CPE: variants seen among roughly 807,000 people sequenced by gnomAD.
CPE encodes carboxypeptidase E.
CPE carries 17 observed loss-of-function variants against 53.5 expected under a neutral mutation model. The observed-to-expected ratio is 0.32, with a 90% confidence interval of 0.22 to 0.48. CPE has a LOEUF of 0.48. Ranked by LOEUF, CPE falls within the 20% of genes least tolerant of loss-of-function variation. The pLI, the probability that CPE is intolerant of heterozygous loss-of-function variation, is 0.99. For missense variants in CPE, 524 were observed against 614.7 expected (o/e 0.85, Z 1.56); for synonymous variants, 226 against 228.8 (o/e 0.99, Z 0.11).
At chr4:165,412,586 TAA>T (rs1731059322) in intron 1 of CPE, among the ~76,000 whole-genome samples, 1 of 151,968 alleles carries the variant, frequency 6.6e-6, no homozygotes, top group African/African-American at 2.4e-5. Flanking sequence ...AACTGGGGAG[TAA>T]GGTTTGAAAT....
chr4:165,395,933 A>C (rs1730760165), intron 1 of CPE, among the ~76,000 whole-genome samples: 1 of 152,214 alleles, frequency 6.6e-6, no homozygotes, highest in African/African-American at 2.4e-5. Context: ...TCTCTTAAGT[A>C]AACAAAAACT....
chr4:165,467,316 C>T (rs1732121505), intron 2 of CPE, among the ~76,000 whole-genome samples: 1 of 152,216 alleles, frequency 6.6e-6, no homozygotes, highest in Non-Finnish European at 1.5e-5. Context: ...GAGTGAGACC[C>T]TGTCTCTTAG....
intron 3 of CPE, among the ~76,000 whole-genome samples, chr4:165,475,526 G>T (rs58007408): frequency 0.14 from 21,271 of 152,224 alleles, 1,932 homozygotes; most frequent in East Asian, 0.24. Flanking sequence ...AAGTTACATG[G>T]CATGTGACGT....
At chr4:165,383,550 C>T (rs1579236365) in intron 1 of CPE, among the ~76,000 whole-genome samples, 1 of 152,138 alleles carries the variant, frequency 6.6e-6, no homozygotes, top group East Asian at 1.9e-4. Context: ...ATAGCTAAAA[C>T]GCTATCTCAA....
At chr4:165,384,393 C>T (rs1269795513) in intron 1 of CPE, among the ~76,000 whole-genome samples, 2 of 152,184 alleles carry the variant, frequency 1.3e-5, no homozygotes, top group Non-Finnish European at 2.9e-5. Flanking sequence ...CTGGTTGAGG[C>T]AGGAGGAGTG....
At chr4:165,434,365 C>G (rs17046487) in intron 1 of CPE, among the ~76,000 whole-genome samples, 3,860 of 152,098 alleles carry the variant, frequency 0.025, 164 homozygotes, top group African/African-American at 0.081. Context: ...GAAATGGGTG[C>G]AAGTTGGCAA....
intron 1 of CPE, among the ~76,000 whole-genome samples, chr4:165,461,337 G>T (rs115237596): frequency 3.2e-4 from 49 of 152,104 alleles, no homozygotes; most frequent in African/African-American, 1.1e-3. Flanking sequence ...GACGAGCCTC[G>T]TGGCTGAAAG....
intron 3 of CPE, among the ~76,000 whole-genome samples, chr4:165,472,483 T>C (rs28847750): frequency 0.034 from 5,105 of 152,298 alleles, 269 homozygotes; most frequent in African/African-American, 0.11. Context: ...TTACTGACAA[T>C]GTATACTAAG....
chr4:165,392,136 C>T (rs1730688979), intron 1 of CPE, among the ~76,000 whole-genome samples: 1 of 149,912 alleles, frequency 6.7e-6, no homozygotes, highest in Non-Finnish European at 1.5e-5. Context: ...TTTCCCTCAT[C>T]AAGACGGTAA....
intron 5 of CPE, 78 bp downstream of exon 5, chr4:165,484,682 G>A: frequency 7.7e-7 from 1 of 1,304,408 alleles, no homozygotes; most frequent in Non-Finnish European, 1.1e-6. Flanking sequence ...GAGTGATTTA[G>A]ATTTAGAGAA....
intron 6 of CPE, 82 bp from the exon 7 acceptor site, chr4:165,493,089 T>A: frequency 1.2e-6 from 1 of 827,010 alleles, no homozygotes; most frequent in Admixed American, 2.3e-5. Flanking sequence ...AATAAAGAGA[T>A]GCTTGATATG....
chr4:165,491,841 A>G (rs559762963), intron 6 of CPE, among the ~76,000 whole-genome samples: 2 of 152,302 alleles, frequency 1.3e-5, no homozygotes, highest in East Asian at 3.9e-4. Context: ...ACAAAGGATT[A>G]CAGGAGACTT....
At chr4:165,470,005 C>T (rs369921466) in intron 3 of CPE, among the ~76,000 whole-genome samples, 98 of 152,302 alleles carry the variant, frequency 6.4e-4, no homozygotes, top group Middle Eastern at 6.8e-3. Flanking sequence ...GCTGAGCCTA[C>T]AGGTGGGGGC....
chr4:165,418,992 C>G (rs182774684), intron 1 of CPE, among the ~76,000 whole-genome samples: 25 of 152,092 alleles, frequency 1.6e-4, no homozygotes, highest in Admixed American at 1.4e-3. Context: ...AGTTTGGGAC[C>G]TAGTTTTCTG....
In CPE at chr4:165,493,263, T is replaced by G; in HGVS notation, c.1206T>G (p.Val402=). 1.2e-6 allele frequency: 2 copies of G among 1,613,122 alleles called. No homozygotes were observed. Among genetic ancestry groups the G allele is most frequent in the Non-Finnish European group, 1.7e-6 (2 of 1,179,056 alleles). ...TISVEGIDHD[V]TSAKDGDYWR... ...CCGTGGAAGGAATAGACCACGATGT[T>G]ACATCCGGTGGGTCTTTGCCACAAT... Residue 402 remains valine, a synonymous_variant, in exon 7 of 9, where the codon GTT becomes GTG. Transcript: ENST00000402744.
chr4:165,445,994 T>G (rs1731708451), intron 1 of CPE, among the ~76,000 whole-genome samples: 1 of 152,036 alleles, frequency 6.6e-6, no homozygotes, highest in East Asian at 1.9e-4. Flanking sequence ...AAGGTAGAAT[T>G]TAAATTCAGA....
chr4:165,435,767 A>G (rs1009640928), intron 1 of CPE, among the ~76,000 whole-genome samples: 18 of 152,154 alleles, frequency 1.2e-4, no homozygotes, highest in Non-Finnish European at 1.5e-5. Context: ...ATGCCATTTT[A>G]TAGCAAAATC....
intron 6 of CPE, among the ~76,000 whole-genome samples, chr4:165,487,860 C>G (rs1732534991): frequency 6.6e-6 from 1 of 152,102 alleles, no homozygotes; most frequent in Non-Finnish European, 1.5e-5. Flanking sequence ...CTAGGACTCT[C>G]TCCCACCCTG....
chr4:165,438,492 A>G (rs1731550986), intron 1 of CPE, among the ~76,000 whole-genome samples: 1 of 152,164 alleles, frequency 6.6e-6, no homozygotes, highest in African/African-American at 2.4e-5. Flanking sequence ...GTATTTTATC[A>G]ACATGTATTC....
Sources: allele counts gnomAD v4.1 joint callset (sites outside exome capture counted in the v4.1 genomes callset), GRCh38; gene constraint gnomAD v4.1.1; transcripts MANE v1.5; gene names NCBI Gene and HGNC (gene_info 2026-07-23, HGNC 2026-07-21).